ICA1: variants seen among roughly 807,000 people sequenced by gnomAD.
ICA1 encodes the protein 69 kDa islet cell autoantigen.
A neutral mutation model predicts 71.0 loss-of-function variants in ICA1; 40 were observed. That is an observed-to-expected ratio of 0.56 (90% confidence interval 0.44 to 0.73). The LOEUF (loss-of-function observed/expected upper bound fraction) is 0.73, where lower values mean the gene tolerates loss of function less well. Ranked by LOEUF, ICA1 falls within the 30% of genes least tolerant of loss-of-function variation. The pLI is 0.00. For missense variants in ICA1, 578 were observed against 576.5 expected (o/e 1.00, Z -0.03); for synonymous variants, 207 against 209.5 (o/e 0.99, Z 0.10).
chr7:8,257,883 G>A lies in ICA1; in HGVS notation c.-80+4211C>T, dbSNP rs149371653. ...AGTAAGGGACACACATAGACACTGG[G>A]CTCCAGACACGAGGACTATTTGTAT... On this transcript the variant is annotated intron_variant, in intron 1 of 13. Transcript: ENST00000402384. Among the ~76,000 whole-genome samples, 6 of 152,274 alleles carry A rather than the reference G, an allele frequency of 3.9e-5. No homozygotes were observed. The East Asian group carries it at 1.2e-3, about 29-fold the overall frequency.
At chr7:8,167,385 A>C (rs1304297042) in intron 6 of ICA1, among the ~76,000 whole-genome samples, 1 of 152,224 alleles carries the variant, frequency 6.6e-6, no homozygotes, top group African/African-American at 2.4e-5. Flanking sequence ...AGAAAAACAA[A>C]TACTGCATGT....
At chr7:8,189,187 T>C (rs556217255) in intron 6 of ICA1, among the ~76,000 whole-genome samples, 70 of 152,240 alleles carry the variant, frequency 4.6e-4, no homozygotes, top group Non-Finnish European at 9.1e-4. Flanking sequence ...ATCTGTATTA[T>C]TTGACTGTAT....
In ICA1 at chr7:8,243,318, C is replaced by T. The variant is rs538914717; in HGVS notation, c.-79-7313G>A. 2.6e-5 allele frequency among the ~76,000 whole-genome samples: 4 copies of T among 152,332 alleles called. No homozygotes were observed. In the South Asian group the frequency reaches 8.3e-4, roughly 32 times the overall value. On this transcript the variant is annotated intron_variant, in intron 1 of 13. Transcript: ENST00000402384. ...TAAACAGAATCATCGACAAAAACCACATGATTATCTCAATGGATGCAGAAA... is the reference window on the plus strand; with the variant it reads ...TAAACAGAATCATCGACAAAAACCATATGATTATCTCAATGGATGCAGAAA...
intron 12 of ICA1, among the ~76,000 whole-genome samples, chr7:8,134,751 C>T (rs1317997139): frequency 2.0e-5 from 3 of 151,938 alleles, no homozygotes; most frequent in Non-Finnish European, 2.9e-5. Flanking sequence ...AAGAACACTG[C>T]TTCTAAGAAC....
rs911064036 is a variant in ICA1, at chr7:8,123,083, C to A, written c.1330+4790G>T. Reference sequence around the variant, plus strand: ...GCACAATTTTCTCATCACTGCATGACAGAGGAACCCCCACACCTTACCATG... The same window carrying A: ...GCACAATTTTCTCATCACTGCATGAAAGAGGAACCCCCACACCTTACCATG... On this transcript the variant is annotated intron_variant, in intron 13 of 13. Coordinates refer to ENST00000402384, the MANE Select transcript of ICA1 (RefSeq NM_001136020.3). The surrounding 1 kb of genome is among the most constrained non-coding windows in gnomAD (Gnocchi z 4.1). Among the ~76,000 whole-genome samples the A allele has an allele frequency of 4.6e-5, 7 of 152,216 alleles. No homozygotes were observed. The highest frequency in any genetic ancestry group is 1.3e-4 in the Admixed American group (2 of 15,282).
intron 6 of ICA1, among the ~76,000 whole-genome samples, chr7:8,208,356 AT>A (rs1776041139): frequency 6.6e-6 from 1 of 152,206 alleles, no homozygotes; most frequent in Admixed American, 6.5e-5. Flanking sequence ...CCTGTTTGAA[AT>A]TTAAATAAAA....
chr7:8,174,893 T>C (rs901776823), intron 6 of ICA1, among the ~76,000 whole-genome samples: 2 of 151,498 alleles, frequency 1.3e-5, no homozygotes, highest in South Asian at 2.1e-4. Flanking sequence ...ACCTGAATAG[T>C]AGGGGAAAGA....
chr7:8,152,940 A>T (rs901012531), intron 8 of ICA1, among the ~76,000 whole-genome samples: 3 of 151,000 alleles, frequency 2.0e-5, no homozygotes, highest in Non-Finnish European at 4.4e-5. Flanking sequence ...TACCACCATC[A>T]CCTCTTCCAC....
chr7:8,184,151 T>C lies in ICA1; in HGVS notation c.580-25499A>G, dbSNP rs3779367. Among the ~76,000 whole-genome samples, 1,023 of 152,364 alleles carry C rather than the reference T, an allele frequency of 6.7e-3. 43 individuals carry two copies. The East Asian group carries it at 0.12, about 18-fold the overall frequency. On this transcript the variant is annotated intron_variant, in intron 6 of 13. Coordinates refer to ENST00000402384, the MANE Select transcript of ICA1 (RefSeq NM_001136020.3). ...CTTCCAAAAGCAAGGTCATAATCAC[T>C]GTGCCTTCTAAATTGGCAAATGTGG... is the stretch of plus-strand genomic sequence containing the variant.
At chr7:8,125,488 C>A (rs912361493) in intron 13 of ICA1, among the ~76,000 whole-genome samples, 3 of 152,242 alleles carry the variant, frequency 2.0e-5, no homozygotes, top group Non-Finnish European at 4.4e-5. Context: ...CAGTAAGAAC[C>A]TACTCAGCTC....
chr7:8,160,988 G>T (rs765847488), intron 6 of ICA1, among the ~76,000 whole-genome samples: 4 of 152,182 alleles, frequency 2.6e-5, no homozygotes, highest in Non-Finnish European at 4.4e-5. Context: ...TTGGTCATCG[G>T]TTGCTCTGGC....
chr7:8,175,532 T>A (rs1341299774), intron 6 of ICA1, among the ~76,000 whole-genome samples: 2 of 152,148 alleles, frequency 1.3e-5, no homozygotes, highest in African/African-American at 4.8e-5. Context: ...TTTTTTTCTT[T>A]ATATCCACCT....
chr7:8,147,067 G>T (rs1462484093), intron 8 of ICA1, among the ~76,000 whole-genome samples: 1 of 151,904 alleles, frequency 6.6e-6, no homozygotes, highest in African/African-American at 2.4e-5. Flanking sequence ...TCTTCTCATT[G>T]TGTTTCCTTT....
intron 1 of ICA1, among the ~76,000 whole-genome samples, chr7:8,247,045 C>T (rs986508941): frequency 6.6e-6 from 1 of 152,186 alleles, no homozygotes; most frequent in Admixed American, 6.5e-5. Flanking sequence ...CATGCCTGGC[C>T]TTTCCTTTTC....
intron 6 of ICA1, among the ~76,000 whole-genome samples, chr7:8,172,561 A>G (rs1258853137): frequency 1.3e-5 from 2 of 152,184 alleles, no homozygotes; most frequent in Non-Finnish European, 2.9e-5. Flanking sequence ...ATATCTATAG[A>G]GATGACTATG....
At position 8,193,193 on chromosome 7, in the gene ICA1, A is replaced by G. The variant is rs548960975; in HGVS notation, c.579+25112T>C. Among the ~76,000 whole-genome samples the G allele has an allele frequency of 5.5e-4, 84 of 152,344 alleles. 1 individual carries two copies. The highest frequency in any genetic ancestry group is 3.3e-3 in the South Asian group (16 of 4,828). On this transcript the variant is annotated intron_variant, in intron 6 of 13. Coordinates refer to ENST00000402384, the MANE Select transcript of ICA1 (RefSeq NM_001136020.3). The stretch of plus-strand genomic sequence containing the variant: ...AAGTACTCTCAGACACAACACACAT[A>G]CACATATATGTATTATAATCCATGC...
Position 8,228,657 on chromosome 7 carries a change from T to C in ICA1, c.200A>G (p.Gln67Arg), listed in dbSNP as rs775583151. 7.5e-6 allele frequency: 12 copies of C among 1,598,502 alleles called. No homozygotes were observed. The African/African-American group carries it at 1.2e-4, about 16-fold the overall frequency. ...DAKLELFHSI[Q>R]RTCLDLSKAI... ...TTTCGATAAGTCCAGACAGGTTCTC[T>C]GAATTGAATGAAACAGCTGTAATAA... Residue 67 changes from glutamine to arginine, a missense_variant, in exon 4 of 14, where the codon CAG (glutamine) becomes CGG (arginine). Transcript: ENST00000402384.
intron 6 of ICA1, among the ~76,000 whole-genome samples, chr7:8,205,101 G>A (rs1429323574): frequency 2.0e-5 from 3 of 151,252 alleles, no homozygotes; most frequent in Admixed American, 2.0e-4. Flanking sequence ...AAAAGGCGGG[G>A]GGGTGGGCTA....
intron 6 of ICA1, among the ~76,000 whole-genome samples, chr7:8,162,373 C>G (rs745873928): frequency 6.6e-6 from 1 of 152,182 alleles, no homozygotes; most frequent in African/African-American, 2.4e-5. Flanking sequence ...AAATGCTGAG[C>G]CCTTTCCCTG....
Sources: gnomAD v4.1 joint callset for allele counts (sites outside exome capture counted in the v4.1 genomes callset) on GRCh38, gnomAD v4.1.1 for gene constraint, Gnocchi (gnomAD v3.1) non-coding constraint, MANE v1.5 for transcripts, NCBI Gene and HGNC (gene_info 2026-07-23, HGNC 2026-07-21) for gene names.